NRG3: variants seen among roughly 807,000 people sequenced by gnomAD.
The protein encoded by NRG3 is pro-neuregulin-3, membrane-bound isoform.
In NRG3, 31 loss-of-function variants were observed where a neutral mutation model predicts 66.9. That is an observed-to-expected ratio of 0.46 (90% CI 0.35 to 0.63). The LOEUF is 0.63. NRG3 is among the 20% of genes least tolerant of loss of function. NRG3 has a pLI of 0.00. For synonymous variants in NRG3, 393 were observed against 359.4 expected, an observed-to-expected ratio of 1.09 and a Z score of -1.06; for missense variants, 910 against 878.9, an observed-to-expected ratio of 1.04 and a Z score of -0.45.
intron 1 of NRG3, among the ~76,000 whole-genome samples, chr10:82,231,561 G>A (rs1764097): frequency 0.12 from 17,834 of 151,480 alleles, 1,224 homozygotes; most frequent in African/African-American, 0.19. Context: ...ATTAATAAAC[G>A]CATTATTTAT....
intron 2 of NRG3, among the ~76,000 whole-genome samples, chr10:82,424,498 T>C (rs1016968960): frequency 6.6e-6 from 1 of 152,072 alleles, no homozygotes; most frequent in Non-Finnish European, 1.5e-5. Context: ...GATTTGTGTT[T>C]TTATCATTAT....
At chr10:82,545,600 C>G (rs1431669018) in intron 2 of NRG3, among the ~76,000 whole-genome samples, 2 of 151,852 alleles carry the variant, frequency 1.3e-5, no homozygotes, top group Non-Finnish European at 1.5e-5. Flanking sequence ...CCAAGATGGT[C>G]TCGATCTCCT....
chr10:82,984,954 T>C, intron 8 of NRG3, 144 bp from the exon 9 acceptor site: 1 of 1,266,802 alleles, frequency 7.9e-7, no homozygotes, highest in Non-Finnish European at 1.1e-6. Flanking sequence ...CTTCTCTGTT[T>C]AACTGGGAAC....
intron 2 of NRG3, among the ~76,000 whole-genome samples, chr10:82,360,847 C>T (rs1216968425): frequency 6.6e-6 from 1 of 151,986 alleles, no homozygotes; most frequent in East Asian, 1.9e-4. Context: ...GAGTTGATTC[C>T]TTTTGAGGCC....
chr10:82,766,295 C>T (rs112186249), intron 3 of NRG3, among the ~76,000 whole-genome samples: 4,820 of 152,168 alleles, frequency 0.032, 273 homozygotes, highest in African/African-American at 0.11. Context: ...TCTCTTGGCT[C>T]TTAGGAGGGC....
chr10:82,428,043 A>G (rs2089558322), intron 2 of NRG3, among the ~76,000 whole-genome samples: 1 of 151,916 alleles, frequency 6.6e-6, no homozygotes, highest in Non-Finnish European at 1.5e-5. Flanking sequence ...TAAGTTTGGA[A>G]GTGATATCTC....
chr10:82,151,950 C>A (rs1360884561), intron 1 of NRG3, among the ~76,000 whole-genome samples: 2 of 151,286 alleles, frequency 1.3e-5, no homozygotes, highest in Admixed American at 6.6e-5. Flanking sequence ...TTTTTTAGGT[C>A]ATTAAGAGGA....
chr10:82,277,366 G>A (rs1004419608), intron 1 of NRG3, among the ~76,000 whole-genome samples: 1 of 151,982 alleles, frequency 6.6e-6, no homozygotes, highest in African/African-American at 2.4e-5. Flanking sequence ...TTCCAGAGTA[G>A]GACTTCTAAG....
At chr10:82,796,740 C>G (rs2060816828) in intron 3 of NRG3, among the ~76,000 whole-genome samples, 1 of 151,906 alleles carries the variant, frequency 6.6e-6, no homozygotes, top group South Asian at 2.1e-4. Flanking sequence ...TTCCTCTTTC[C>G]TAAAAGTACA....
intron 2 of NRG3, among the ~76,000 whole-genome samples, chr10:82,678,022 C>T (rs2053841398): frequency 1.3e-5 from 2 of 152,132 alleles, no homozygotes; most frequent in African/African-American, 4.8e-5. Flanking sequence ...TTTCCCTTAC[C>T]AGCCAAGTGT....
At chr10:82,563,052 G>T (rs1305373836) in intron 2 of NRG3, among the ~76,000 whole-genome samples, 4 of 152,058 alleles carry the variant, frequency 2.6e-5, no homozygotes, top group African/African-American at 7.2e-5. Flanking sequence ...GGGGAGGTGA[G>T]TGTATACCCA....
chr10:82,499,354 A>G (rs984293826), intron 2 of NRG3, among the ~76,000 whole-genome samples: 4 of 152,180 alleles, frequency 2.6e-5, no homozygotes, highest in Non-Finnish European at 5.9e-5. Context: ...TTCATTTACT[A>G]TGAATGCCTA....
intron 4 of NRG3, among the ~76,000 whole-genome samples, chr10:82,868,354 A>G (rs1840967626): frequency 6.6e-6 from 1 of 152,220 alleles, no homozygotes; most frequent in Non-Finnish European, 1.5e-5. Context: ...TACATGAACC[A>G]CAAGACTAAG....
chr10:82,496,069 T>C (rs187805072), intron 2 of NRG3, among the ~76,000 whole-genome samples: 79 of 152,312 alleles, frequency 5.2e-4, no homozygotes, highest in African/African-American at 1.6e-3. Context: ...TCTGACAAGA[T>C]GCCCTCCTGC....
intron 2 of NRG3, among the ~76,000 whole-genome samples, chr10:82,709,529 G>A (rs1389788376): frequency 6.6e-6 from 1 of 151,966 alleles, no homozygotes; most frequent in East Asian, 1.9e-4. Flanking sequence ...CTACAAGTGT[G>A]CGCCACCATC....
chr10:82,740,292 G>C (rs1338405056), intron 3 of NRG3, among the ~76,000 whole-genome samples: 1 of 149,340 alleles, frequency 6.7e-6, no homozygotes. Flanking sequence ...TGTGGCTGTG[G>C]AATAGCTATT....
intron 1 of NRG3, among the ~76,000 whole-genome samples, chr10:82,202,456 A>C (rs553810276): frequency 6.6e-6 from 1 of 152,332 alleles, no homozygotes; most frequent in South Asian, 2.1e-4. Context: ...AGCGTGCGTA[A>C]GAGTCGTTGC....
intron 2 of NRG3, among the ~76,000 whole-genome samples, chr10:82,573,831 G>A (rs1362049368): frequency 6.6e-6 from 1 of 151,728 alleles, no homozygotes; most frequent in Non-Finnish European, 1.5e-5. Flanking sequence ...GAAGGGACTG[G>A]AGAAACTGGA....
chr10:82,366,174 C>A lies in NRG3; in HGVS notation c.953+7306C>A, dbSNP rs1036134514. Among the ~76,000 whole-genome samples the A allele has an allele frequency of 2.6e-5, 4 of 152,142 alleles. No individual in the cohort carries two copies. In the South Asian group the frequency reaches 8.3e-4, roughly 32 times the overall value. ...TTTTTTTAAGATAGTCTAATAGTTG[C>A]CCCAAAAGGCCAATGAAAGAATTGA... On this transcript the variant is annotated intron_variant, in intron 2 of 8. Coordinates refer to ENST00000372141, the MANE Select transcript of NRG3 (RefSeq NM_001010848.4).
Sources: gnomAD v4.1 joint callset for allele counts (sites outside exome capture counted in the v4.1 genomes callset) on GRCh38, gnomAD v4.1.1 for gene constraint, MANE v1.5 for transcripts, NCBI Gene and HGNC (gene_info 2026-07-23, HGNC 2026-07-21) for gene names.